Variants in SYT1 observed in about 807,000 individuals in gnomAD.
SYT1 encodes the protein synaptotagmin-1.
SYT1 carries 8 observed loss-of-function variants against 44.8 expected under a neutral mutation model. The ratio of observed to expected loss-of-function variants is 0.18; its 90% CI spans 0.10 to 0.32. SYT1 has a LOEUF of 0.32. SYT1 is among the 10% of genes least tolerant of loss of function. SYT1 has a pLI of 1.00. For missense variants in SYT1, 286 were observed against 509.3 expected, an observed-to-expected ratio of 0.56 and a Z score of 4.22; for synonymous variants, 154 against 188.8, an observed-to-expected ratio of 0.82 and a Z score of 1.51.
At chr12:79,088,970 C>A (rs1031574680) in intron 3 of SYT1, among the ~76,000 whole-genome samples, 12 of 151,890 alleles carry the variant, frequency 7.9e-5, no homozygotes, top group Non-Finnish European at 1.5e-4. Context: ...AGGAAGAAAA[C>A]TGGCTTCAAG....
chr12:78,906,698 G>A (rs1451197952), intron 1 of SYT1, among the ~76,000 whole-genome samples: 1 of 152,004 alleles, frequency 6.6e-6, no homozygotes, highest in East Asian at 1.9e-4. Context: ...GGACAGACTG[G>A]GGGTGTCTGT....
chr12:78,932,540 A>T (rs532325302), intron 1 of SYT1, among the ~76,000 whole-genome samples: 44 of 152,338 alleles, frequency 2.9e-4, no homozygotes, highest in East Asian at 2.1e-3. Context: ...TTTGATTTGA[A>T]TTTTATTGAA....
chr12:78,896,242 T>C (rs1175283025), intron 1 of SYT1, among the ~76,000 whole-genome samples: 1 of 151,788 alleles, frequency 6.6e-6, no homozygotes, highest in Non-Finnish European at 1.5e-5. Context: ...AAAAATTGCC[T>C]ATTTCTATGG....
intron 1 of SYT1, among the ~76,000 whole-genome samples, chr12:78,915,002 C>T (rs1817366): frequency 0.77 from 116,981 of 151,916 alleles, 45,679 homozygotes; most frequent in African/African-American, 0.89. Flanking sequence ...GAAGTGTCTT[C>T]TGAGCTGTGC....
chr12:79,408,615 T>A (rs1396421408), intron 9 of SYT1, among the ~76,000 whole-genome samples: 1 of 152,114 alleles, frequency 6.6e-6, no homozygotes, highest in Non-Finnish European at 1.5e-5. Context: ...TTGTAAACTA[T>A]GACATGCTAT....
intron 1 of SYT1, among the ~76,000 whole-genome samples, chr12:78,947,719 G>A (rs1194176821): frequency 6.6e-6 from 1 of 151,186 alleles, no homozygotes; most frequent in Non-Finnish European, 1.5e-5. Flanking sequence ...TCTTCAAAAT[G>A]TTGTTATTCT....
At chr12:79,257,855 C>G (rs1362209907) in intron 4 of SYT1, among the ~76,000 whole-genome samples, 1 of 152,004 alleles carries the variant, frequency 6.6e-6, no homozygotes, top group African/African-American at 2.4e-5. Context: ...TGTCCACATC[C>G]CCTTTGATAT....
intron 1 of SYT1, among the ~76,000 whole-genome samples, chr12:78,866,813 G>T (rs997634949): frequency 2.0e-5 from 3 of 152,066 alleles, no homozygotes; most frequent in Non-Finnish European, 2.9e-5. Flanking sequence ...TAAGAAAAGA[G>T]AATCTTCTAT....
At chr12:79,259,893 T>C (rs1165561433) in intron 4 of SYT1, among the ~76,000 whole-genome samples, 3 of 152,326 alleles carry the variant, frequency 2.0e-5, no homozygotes, top group Non-Finnish European at 4.4e-5. Flanking sequence ...CTGAGTATGA[T>C]TGGCAAAAAG....
At chr12:79,443,935 AAAG>A in intron 9 of SYT1, 135 bp from the exon 10 acceptor site, 1 of 909,768 alleles carries the variant, frequency 1.1e-6, no homozygotes. Flanking sequence ...TTTCAATAAA[AAAG>A]TATTGAATTT....
intron 4 of SYT1, among the ~76,000 whole-genome samples, chr12:79,231,932 G>A (rs1875892470): frequency 6.6e-6 from 1 of 152,260 alleles, no homozygotes; most frequent in South Asian, 2.1e-4. Context: ...CGAGGTTCAG[G>A]AGAACATTGT....
intron 3 of SYT1, among the ~76,000 whole-genome samples, chr12:79,211,492 A>G (rs2138536397): frequency 1.3e-5 from 2 of 152,158 alleles, no homozygotes; most frequent in Middle Eastern, 3.4e-3. Flanking sequence ...CACATTGTGC[A>G]GGTTAGTTAC....
chr12:79,016,555 C>T (rs1472548962), intron 2 of SYT1, among the ~76,000 whole-genome samples: 3 of 152,090 alleles, frequency 2.0e-5, no homozygotes, highest in South Asian at 2.1e-4. Context: ...TTACTAAGGG[C>T]GCCAGTGTCA....
At chr12:79,003,067 G>T (rs1423824931) in intron 2 of SYT1, among the ~76,000 whole-genome samples, 1 of 151,962 alleles carries the variant, frequency 6.6e-6, no homozygotes, top group South Asian at 2.1e-4. Context: ...AGAATTCAAT[G>T]AGAAAGTACA....
intron 3 of SYT1, among the ~76,000 whole-genome samples, chr12:79,129,934 G>T (rs550786538): frequency 6.6e-6 from 1 of 152,164 alleles, no homozygotes; most frequent in South Asian, 2.1e-4. Context: ...TTTTGAAAAT[G>T]GTAAAGACCT....
chr12:79,172,793 G>A (rs1871608678), intron 3 of SYT1, among the ~76,000 whole-genome samples: 1 of 151,026 alleles, frequency 6.6e-6, no homozygotes, highest in Non-Finnish European at 1.5e-5. Flanking sequence ...TACAGACTAA[G>A]CCATTTTCTC....
intron 8 of SYT1, among the ~76,000 whole-genome samples, chr12:79,302,232 G>A (rs1301245398): frequency 1.3e-5 from 2 of 152,090 alleles, no homozygotes; most frequent in African/African-American, 4.8e-5. Context: ...TGAGATGAAA[G>A]ATATCAAAGA....
intron 9 of SYT1, among the ~76,000 whole-genome samples, chr12:79,411,316 C>T (rs1868415520): frequency 6.6e-6 from 1 of 152,074 alleles, no homozygotes; most frequent in African/African-American, 2.4e-5. Context: ...CATAGTACTT[C>T]CACTTACATC....
intron 3 of SYT1, among the ~76,000 whole-genome samples, chr12:79,173,098 A>G (rs1592817098): frequency 6.6e-6 from 1 of 151,368 alleles, no homozygotes; most frequent in South Asian, 2.1e-4. Flanking sequence ...TAGCATCTCT[A>G]CCTTTTCACA....
Sources: allele counts gnomAD v4.1 joint callset (sites outside exome capture counted in the v4.1 genomes callset), GRCh38; gene constraint gnomAD v4.1.1; transcripts MANE v1.5; gene names NCBI Gene and HGNC (gene_info 2026-07-23, HGNC 2026-07-21).